Variants in CADM2 observed in about 807,000 individuals in gnomAD.
CADM2 encodes immunoglobulin superfamily member 4D.
Under a neutral mutation model 49.8 loss-of-function variants are expected in CADM2, and 12 were observed. The ratio of observed to expected loss-of-function variants is 0.24; its 90% CI spans 0.15 to 0.39. The LOEUF (loss-of-function observed/expected upper bound fraction) is 0.39. Among genes scored for constraint, CADM2 ranks in the 10% least tolerant of loss-of-function variants. CADM2 has a pLI of 1.00. For synonymous variants in CADM2, 214 were observed against 175.4 expected (o/e 1.22, Z -1.74); for missense variants, 378 against 492.3 (o/e 0.77, Z 2.20).
intron 8 of CADM2, among the ~76,000 whole-genome samples, chr3:85,980,497 A>C (rs1727344905): frequency 1.3e-5 from 2 of 151,712 alleles, no homozygotes; most frequent in South Asian, 4.1e-4. Context: ...TAATGGTAGT[A>C]GCAATAAGAA....
At chr3:84,964,048 G>A (rs1247107741) in intron 1 of CADM2, among the ~76,000 whole-genome samples, 2 of 152,056 alleles carry the variant, frequency 1.3e-5, no homozygotes, top group Non-Finnish European at 2.9e-5. Flanking sequence ...ATCAAGATGT[G>A]GAAGCTTACT....
intron 6 of CADM2, among the ~76,000 whole-genome samples, chr3:85,918,434 C>T (rs904944372): frequency 3.9e-5 from 6 of 152,070 alleles, no homozygotes; most frequent in Non-Finnish European, 8.8e-5. Context: ...GTCTTTGGTT[C>T]TGTTTATATG....
At chr3:85,304,908 C>T (rs539081235) in intron 1 of CADM2, among the ~76,000 whole-genome samples, 2 of 151,766 alleles carry the variant, frequency 1.3e-5, no homozygotes, top group East Asian at 3.9e-4. Flanking sequence ...AAACACAATA[C>T]CTTGTCCAAT....
intron 1 of CADM2, among the ~76,000 whole-genome samples, chr3:85,264,715 T>A (rs2043084848): frequency 6.6e-6 from 1 of 152,118 alleles, no homozygotes; most frequent in Non-Finnish European, 1.5e-5. Flanking sequence ...TAATCATATA[T>A]AACTATGGAA....
chr3:85,729,351 C>T (rs1423784326), intron 2 of CADM2, among the ~76,000 whole-genome samples: 3 of 152,114 alleles, frequency 2.0e-5, no homozygotes, highest in African/African-American at 7.2e-5. Flanking sequence ...AACTTCACTT[C>T]CTACAAAATA....
intron 1 of CADM2, among the ~76,000 whole-genome samples, chr3:85,185,750 A>T (rs2041046153): frequency 1.3e-5 from 2 of 152,168 alleles, no homozygotes; most frequent in South Asian, 4.1e-4. Context: ...AAGAGCTGTG[A>T]ACTGCACTTA....
chr3:85,570,056 T>A (rs1173147690), intron 1 of CADM2, among the ~76,000 whole-genome samples: 2 of 152,204 alleles, frequency 1.3e-5, no homozygotes, highest in Admixed American at 1.3e-4. Context: ...ATAACACAAA[T>A]GCTAGTGATC....
chr3:85,140,315 A>C (rs1362726424), intron 1 of CADM2, among the ~76,000 whole-genome samples: 1 of 152,196 alleles, frequency 6.6e-6, no homozygotes, highest in African/African-American at 2.4e-5. Context: ...CAAATGATAC[A>C]TTTTTCTGTA....
intron 1 of CADM2, among the ~76,000 whole-genome samples, chr3:85,008,198 G>T (rs7651996): frequency 0.51 from 77,740 of 151,884 alleles, 20,177 homozygotes; most frequent in Admixed American, 0.59. Flanking sequence ...AGAGGACCTC[G>T]TAATCTATTT....
chr3:85,467,622 C>A (rs2038556890), intron 1 of CADM2, among the ~76,000 whole-genome samples: 2 of 150,350 alleles, frequency 1.3e-5, no homozygotes, highest in Admixed American at 6.6e-5. Flanking sequence ...AAAAAAAAAA[C>A]ACTCTGTTAA....
intron 1 of CADM2, among the ~76,000 whole-genome samples, chr3:85,250,279 A>G (rs2042745375): frequency 1.3e-5 from 2 of 151,810 alleles, no homozygotes; most frequent in South Asian, 4.1e-4. Flanking sequence ...TATTATAAGA[A>G]ACTCTTAATA....
At position 85,436,049 on chromosome 3, in the gene CADM2, G is replaced by T. The variant is rs2036914079; in HGVS notation, c.62-290473G>T. ...TAATTAGATCCCATTTGTCAATTTT[G>T]GCTTTTATTGTCATTGCTTTTGGTG... On this transcript the variant is annotated intron_variant, in intron 1 of 9. Transcript: ENST00000383699. Among the ~76,000 whole-genome samples the T allele has an allele frequency of 5.3e-5, 8 of 151,958 alleles. No individual in the cohort carries two copies. The South Asian group carries it at 1.7e-3, about 32-fold the overall frequency.
At chr3:85,615,002 G>A (rs1263436070) in intron 1 of CADM2, among the ~76,000 whole-genome samples, 3 of 151,986 alleles carry the variant, frequency 2.0e-5, no homozygotes, top group Non-Finnish European at 4.4e-5. Context: ...GCTAAATGAA[G>A]TGTGTAGCAT....
intron 2 of CADM2, among the ~76,000 whole-genome samples, chr3:85,754,474 T>C (rs17023290): frequency 0.12 from 18,882 of 152,156 alleles, 1,281 homozygotes; most frequent in South Asian, 0.22. Context: ...GAACTCACCG[T>C]AAGCCTAGAA....
At chr3:85,747,149 A>C (rs2068650708) in intron 2 of CADM2, among the ~76,000 whole-genome samples, 1 of 152,072 alleles carries the variant, frequency 6.6e-6, no homozygotes, top group Non-Finnish European at 1.5e-5. Flanking sequence ...TTGACTCTTA[A>C]ATTGCTTGTT....
intron 1 of CADM2, among the ~76,000 whole-genome samples, chr3:85,090,411 G>A (rs1328092676): frequency 6.6e-6 from 1 of 152,110 alleles, no homozygotes; most frequent in African/African-American, 2.4e-5. Flanking sequence ...ACGTTTTTGT[G>A]TCTTGTTTTG....
At chr3:86,011,618 AT>A (rs1441826407) in intron 8 of CADM2, among the ~76,000 whole-genome samples, 4 of 152,146 alleles carry the variant, frequency 2.6e-5, no homozygotes, top group Non-Finnish European at 5.9e-5. Context: ...AGGAAGAGCA[AT>A]AGTAACAGGG....
Position 86,070,261 on chromosome 3 carries a change from A to T in CADM2, c.*3478A>T, listed in dbSNP as rs981492378. On this transcript the variant is annotated 3_prime_UTR_variant, in exon 10 of 10. Transcript: ENST00000383699. Reference sequence around the variant, plus strand: ...AAATATAAATATCTCAATCAAAAGTACAGGCTCATTTGTAATTATGTACTC... The same window carrying T: ...AAATATAAATATCTCAATCAAAAGTTCAGGCTCATTTGTAATTATGTACTC... The T allele has an allele frequency of 6.6e-6, 1 of 151,958 alleles. No individual in the cohort carries two copies. The highest frequency in any genetic ancestry group is 6.6e-5 in the Admixed American group (1 of 15,228). 9.4% of individuals were successfully genotyped at this position (151,958 alleles called of 1,614,324 possible).
At chr3:85,828,077 T>A (rs897581690) in intron 3 of CADM2, 22 of 152,050 alleles carry the variant, frequency 1.4e-4, no homozygotes, top group African/African-American at 5.1e-4. Context: ...GAAACACAGC[T>A]TAGGTGGGCA....
Sources: allele counts gnomAD v4.1 joint callset (sites outside exome capture counted in the v4.1 genomes callset), GRCh38; gene constraint gnomAD v4.1.1; transcripts MANE v1.5; gene names NCBI Gene and HGNC (gene_info 2026-07-23, HGNC 2026-07-21).